Variants in TRIOBP observed in about 807,000 individuals in gnomAD.
TRIOBP encodes TRIO and F-actin binding protein.
In TRIOBP, 169 loss-of-function variants were observed where a neutral mutation model predicts 238.8. The ratio of observed to expected loss-of-function variants is 0.71; its 90% CI spans 0.62 to 0.80. The LOEUF (loss-of-function observed/expected upper bound fraction) is 0.80, where lower values mean the gene tolerates loss of function less well. Ranked by LOEUF, TRIOBP falls within the 30% of genes least tolerant of loss-of-function variation. TRIOBP has a pLI of 0.00. For synonymous variants in TRIOBP, 1,150 were observed against 1,274.4 expected (o/e 0.90, Z 2.08); for missense variants, 2,838 against 3,122.6 (o/e 0.91, Z 2.17).
intron 5 of TRIOBP, 124 bp downstream of exon 5, chr22:37,713,535 GGAC>G (rs1230365399): frequency 7.8e-7 from 1 of 1,276,494 alleles, no homozygotes; most frequent in African/African-American, 1.5e-5. Flanking sequence ...GAGGTCCTCT[GGAC>G]CATTAGCTGG....
chr22:37,770,190 G>A (rs1926696420), intron 21 of TRIOBP, among the ~76,000 whole-genome samples: 1 of 147,132 alleles, frequency 6.8e-6, no homozygotes, highest in Non-Finnish European at 1.5e-5. Flanking sequence ...TGTAATCCCA[G>A]CACTTTGGGA....
At chr22:37,765,259 G>A (rs1601665780) in intron 17 of TRIOBP, among the ~76,000 whole-genome samples, 1 of 152,232 alleles carries the variant, frequency 6.6e-6, no homozygotes, top group East Asian at 1.9e-4. Flanking sequence ...CAGCCTGGGT[G>A]ACAGAACAAA....
At chr22:37,742,736 C>T (rs968314762) in intron 11 of TRIOBP, among the ~76,000 whole-genome samples, 14 of 152,160 alleles carry the variant, frequency 9.2e-5, no homozygotes, top group African/African-American at 2.7e-4. Context: ...CTTGGTAGAG[C>T]GAAGGAGGAG....
At chr22:37,709,279 G>C (rs1307830737) in intron 3 of TRIOBP, among the ~76,000 whole-genome samples, 1 of 152,206 alleles carries the variant, frequency 6.6e-6, no homozygotes, top group East Asian at 1.9e-4. Context: ...TGGGCTCCAG[G>C]GTCCCCAGGG....
chr22:37,746,122 C>A, intron 11 of TRIOBP: 1 of 958,082 alleles, frequency 1.0e-6, no homozygotes, highest in Non-Finnish European at 1.3e-6. Flanking sequence ...CCCGGCCCGT[C>A]TCGCGCTTCC....
intron 10 of TRIOBP, among the ~76,000 whole-genome samples, chr22:37,740,631 C>G (rs1924887338): frequency 6.6e-6 from 1 of 152,262 alleles, no homozygotes; most frequent in Admixed American, 6.5e-5. Flanking sequence ...TCTGCACCCC[C>G]TCCAGCTGGC....
chr22:37,713,700 T>C (rs1048954086), intron 5 of TRIOBP, among the ~76,000 whole-genome samples: 2 of 152,192 alleles, frequency 1.3e-5, no homozygotes, highest in Non-Finnish European at 2.9e-5. Context: ...GGCTGCCACA[T>C]GCTCTCAGAT....
At chr22:37,772,486 A>G in intron 22 of TRIOBP, 115 bp from the exon 23 acceptor site, 2 of 1,459,748 alleles carry the variant, frequency 1.4e-6, no homozygotes, top group Non-Finnish European at 1.9e-6. Flanking sequence ...AGCCACCTGG[A>G]GGGATGAAGC....
intron 7 of TRIOBP, among the ~76,000 whole-genome samples, chr22:37,727,622 C>G (rs1365802963): frequency 6.6e-6 from 1 of 151,776 alleles, no homozygotes; most frequent in Non-Finnish European, 1.5e-5. Context: ...GAGCCGAGAT[C>G]GTACCACTGC....
At chr22:37,772,408 C>T (rs565795706) in intron 22 of TRIOBP, among the ~76,000 whole-genome samples, 193 bp from the exon 23 acceptor site, 14 of 152,078 alleles carry the variant, frequency 9.2e-5, no homozygotes, top group Admixed American at 4.6e-4. Context: ...ATGACAATGA[C>T]GCCTGTGTCC....
At chr22:37,766,284 C>T (rs1334337824) in intron 18 of TRIOBP, among the ~76,000 whole-genome samples, 1 of 152,234 alleles carries the variant, frequency 6.6e-6, no homozygotes, top group Non-Finnish European at 1.5e-5. Context: ...CACAGGAGCA[C>T]CCTTCATCCT....
intron 11 of TRIOBP, among the ~76,000 whole-genome samples, chr22:37,743,842 T>TGTGC (rs1555898395): frequency 6.1e-5 from 7 of 115,186 alleles, no homozygotes; most frequent in South Asian, 2.9e-4. Context: ...TGTGTGTGTG[T>TGTGC]GTGCTGGGTG....
chr22:37,701,431 C>T lies in TRIOBP; in HGVS notation c.66C>T (p.Arg22=), dbSNP rs1445739129. 3 of 1,613,746 alleles carry T rather than the reference C, an allele frequency of 1.9e-6. No homozygotes were observed. The African/African-American group carries it at 4.0e-5, about 22-fold the overall frequency. The change falls in exon 3 of 24, where the codon CGC becomes CGT. Residue 22 remains arginine, a synonymous_variant. Coordinates refer to ENST00000644935, the MANE Select transcript of TRIOBP (RefSeq NM_001039141.3). Reference sequence around the variant, plus strand: ...AGGCCAACATACTTACCCAGAACCGCTGTCAAAACTGCTTCCACCCTGAGG... The same window carrying T: ...AGGCCAACATACTTACCCAGAACCGTTGTCAAAACTGCTTCCACCCTGAGG... The part of the protein sequence containing the change: ...HFEANILTQN[R]CQNCFHPEEA...
chr22:37,739,268 C>T (rs1209629863), intron 10 of TRIOBP, among the ~76,000 whole-genome samples: 5 of 152,160 alleles, frequency 3.3e-5, no homozygotes, highest in Admixed American at 1.3e-4. Flanking sequence ...AGACTGTTCT[C>T]GTCACCCTCA....
rs752688138 is a variant in TRIOBP at position 37,735,341 on chromosome 22, G to C, written c.5005G>C (p.Val1669Leu). The part of the protein sequence containing the change: ...CTSTQWPKIK[V>L]TRGPATATLA... ...CTCCACCCAGTGGCCAAAGATCAAA[G>C]TGACAAGAGGACCAGCGACCGCAAC... Residue 1669 changes from valine (V) to leucine (L), a missense_variant, in exon 9 of 24, where the codon GTG (valine) becomes CTG (leucine). Physicochemically the swap from Val to Leu is conservative, Grantham distance 32. This residue lies in a region of TRIOBP where 2,096 missense variants were observed against 2,137.4 expected (regional missense o/e 0.98). Transcript: ENST00000644935. 1 of 1,613,362 alleles carries C rather than the reference G, an allele frequency of 6.2e-7. No individual in the cohort carries two copies. The highest frequency in any genetic ancestry group is 2.2e-5 in the East Asian group (1 of 44,874).
At chr22:37,747,340 T>G (rs1388033657) in intron 11 of TRIOBP, among the ~76,000 whole-genome samples, 12 of 152,120 alleles carry the variant, frequency 7.9e-5, no homozygotes, top group Admixed American at 7.9e-4. Context: ...GGCTAGTGCT[T>G]CAGGGAGGCT....
chr22:37,761,440 C>CT (rs1269765214), intron 17 of TRIOBP, among the ~76,000 whole-genome samples: 2 of 152,060 alleles, frequency 1.3e-5, no homozygotes, highest in African/African-American at 2.4e-5. Context: ...CAGTGAGACT[C>CT]TATCTAAAAA....
intron 3 of TRIOBP, among the ~76,000 whole-genome samples, chr22:37,705,736 C>T (rs764862630): frequency 6.6e-6 from 1 of 151,936 alleles, no homozygotes; most frequent in Non-Finnish European, 1.5e-5. Flanking sequence ...CTACCAAACC[C>T]AGTTAATTTT....
intron 11 of TRIOBP, among the ~76,000 whole-genome samples, chr22:37,742,196 T>C (rs1419182832): frequency 1.3e-5 from 2 of 151,342 alleles, no homozygotes; most frequent in Non-Finnish European, 1.5e-5. Context: ...CGACCTCAGG[T>C]AATCCGCCCA....
Sources: gnomAD v4.1 joint callset for allele counts (sites outside exome capture counted in the v4.1 genomes callset) on GRCh38, gnomAD v4.1.1 for gene constraint, gnomAD v4.1.1 regional missense constraint, MANE v1.5 for transcripts, NCBI Gene and HGNC (gene_info 2026-07-23, HGNC 2026-07-21) for gene names.